The following MAP2K6 variants were observed in gnomAD, a reference collection of about 807,000 sequenced individuals.
MAP2K6 encodes dual specificity mitogen-activated protein kinase kinase 6.
Under a neutral mutation model 53.7 loss-of-function variants are expected in MAP2K6, and 16 were observed. That is an observed-to-expected ratio of 0.30 (90% CI 0.20 to 0.45). The LOEUF is 0.45. MAP2K6 is among the 20% of genes least tolerant of loss of function. The pLI is 1.00. For missense variants in MAP2K6, 204 were observed against 411.9 expected, an observed-to-expected ratio of 0.50 and a Z score of 4.37; for synonymous variants, 132 against 143.1, an observed-to-expected ratio of 0.92 and a Z score of 0.55.
chr17:69,511,114 A>G (rs1168494419), intron 2 of MAP2K6, among the ~76,000 whole-genome samples: 3 of 152,164 alleles, frequency 2.0e-5, no homozygotes, highest in South Asian at 2.1e-4. Context: ...GAAGGCTACC[A>G]TAAACCCTTT....
At chr17:69,512,355 T>TTTTTTTTTTTTTTTTTC in intron 2 of MAP2K6, among the ~76,000 whole-genome samples, 1 of 135,366 alleles carries the variant, frequency 7.4e-6, no homozygotes. Flanking sequence ...TTTTTTTTTT[T>TTTTTTTTTTTTTTTTTC]TTGAGACAGA....
Position 69,439,339 on chromosome 17 carries a change from A to C in MAP2K6, c.16+24339A>C, listed in dbSNP as rs976867774. On this transcript the variant is annotated intron_variant, in intron 1 of 11. Coordinates refer to ENST00000590474, the MANE Select transcript of MAP2K6 (RefSeq NM_002758.4). ...ATGCCTCATCTCCAGTCATACATCC[A>C]TATGCTGACTTCCCATCTCTCTCTC... Among the ~76,000 whole-genome samples the C allele has an allele frequency of 3.3e-5, 5 of 152,166 alleles. No homozygotes were observed. The East Asian group carries it at 9.6e-4, about 29-fold the overall frequency.
Position 69,519,565 on chromosome 17 carries a change from G to A in MAP2K6, c.366+133G>A, listed in dbSNP as rs533254722. On this transcript the variant is annotated intron_variant, in intron 5 of 11. Coordinates refer to ENST00000590474, the MANE Select transcript of MAP2K6 (RefSeq NM_002758.4). The stretch of plus-strand genomic sequence containing the variant: ...ATCTTGTATACGGGGGTTTACGTGT[G>A]TGCAATGATGACATGCCCTGGAGCA... The A allele has an allele frequency of 3.6e-5, 37 of 1,032,820 alleles. No individual in the cohort carries two copies. In the African/African-American group the frequency reaches 4.5e-4, roughly 13 times the overall value. 64.0% of individuals were successfully genotyped at this position (1,032,820 alleles called of 1,614,324 possible).
At chr17:69,476,791 T>G (rs1307488718) in intron 1 of MAP2K6, among the ~76,000 whole-genome samples, 1 of 152,196 alleles carries the variant, frequency 6.6e-6, no homozygotes, top group Admixed American at 6.5e-5. Context: ...CTATAGAGAT[T>G]GGCATCTCCC....
intron 2 of MAP2K6, among the ~76,000 whole-genome samples, chr17:69,510,755 G>A (rs2145234417): frequency 6.6e-6 from 1 of 151,292 alleles, no homozygotes; most frequent in East Asian, 1.9e-4. Flanking sequence ...TGTTCATAGT[G>A]TTTCCTGCCT....
At chr17:69,523,789 A>G in intron 8 of MAP2K6, 148 bp downstream of exon 8, 1 of 1,042,004 alleles carries the variant, frequency 9.6e-7, no homozygotes, top group Non-Finnish European at 1.4e-6. Flanking sequence ...TCAAAATTTT[A>G]TGTCTGAAAT....
chr17:69,523,705 A>G (rs528030330), intron 8 of MAP2K6, 64 bp downstream of exon 8: 10 of 1,590,856 alleles, frequency 6.3e-6, no homozygotes, highest in African/African-American at 5.4e-5. Context: ...CTGGGAAACA[A>G]GAAATGGATG....
chr17:69,526,874 G>A (rs3729925), intron 10 of MAP2K6, among the ~76,000 whole-genome samples, 165 bp downstream of exon 10: 2,289 of 152,236 alleles, frequency 0.015, 28 homozygotes, highest in Non-Finnish European at 0.026. Context: ...CACACTCCCT[G>A]CCCTCACTGA....
Position 69,549,341 on chromosome 17 carries a change from G to C in MAP2K6, c.*7588G>C, listed in dbSNP as rs2144891147. 6.6e-6 allele frequency: 1 copy of C among 152,290 alleles called. No homozygotes were observed. Among genetic ancestry groups the C allele is most frequent in the Admixed American group, 6.5e-5 (1 of 15,294 alleles). 9.4% of individuals were successfully genotyped at this position (152,290 alleles called of 1,614,324 possible). On this transcript the variant is annotated 3_prime_UTR_variant, in exon 12 of 12. Transcript: ENST00000590474. ...GAGGCTGAATTCAGGGAGCGTATTG[G>C]CAAGTTTAGGCACTTACTTGTGTCT... is the stretch of plus-strand genomic sequence containing the variant.
intron 2 of MAP2K6, among the ~76,000 whole-genome samples, chr17:69,516,184 T>C (rs1430734547): frequency 3.3e-5 from 5 of 151,952 alleles, no homozygotes; most frequent in Non-Finnish European, 7.4e-5. Flanking sequence ...TAATGTAGAA[T>C]CAATGGGAGC....
intron 2 of MAP2K6, among the ~76,000 whole-genome samples, chr17:69,514,474 A>C (rs1910033279): frequency 6.6e-6 from 1 of 152,138 alleles, no homozygotes; most frequent in Non-Finnish European, 1.5e-5. Flanking sequence ...TAAGTATTCT[A>C]TGTATTCCAA....
At chr17:69,422,384 G>C (rs1165491899) in intron 1 of MAP2K6, among the ~76,000 whole-genome samples, 1 of 151,962 alleles carries the variant, frequency 6.6e-6, no homozygotes. Context: ...CACCCACCTC[G>C]GCCTCCCGAA....
chr17:69,505,685 C>CT, intron 1 of MAP2K6, 95 bp from the exon 2 acceptor site: 2 of 950,640 alleles, frequency 2.1e-6, no homozygotes, highest in Non-Finnish European at 3.4e-6. Context: ...TGAGAGCTGC[C>CT]TGTGCAGGTC....
intron 1 of MAP2K6, among the ~76,000 whole-genome samples, chr17:69,497,535 T>C (rs559092708): frequency 6.6e-6 from 1 of 152,086 alleles, no homozygotes; most frequent in Non-Finnish European, 1.5e-5. Flanking sequence ...TTTTTTTTTT[T>C]CTGAAGCATG....
intron 1 of MAP2K6, among the ~76,000 whole-genome samples, chr17:69,488,729 A>G (rs1479656012): frequency 6.6e-6 from 1 of 152,156 alleles, no homozygotes; most frequent in Non-Finnish European, 1.5e-5. Context: ...TCGTGGACAT[A>G]AAGATGGCAA....
intron 10 of MAP2K6, 70 bp downstream of exon 10, chr17:69,526,779 G>A (rs910565800): frequency 2.0e-6 from 3 of 1,534,356 alleles, no homozygotes; most frequent in Admixed American, 1.9e-5. Context: ...TTCTTCCATC[G>A]GGGTTGAATC....
At position 69,428,941 on chromosome 17, in the gene MAP2K6, C is replaced by A. The variant is rs578164047; in HGVS notation, c.16+13941C>A. 7.6e-4 allele frequency among the ~76,000 whole-genome samples: 113 copies of A among 149,506 alleles called. 1 individual carries two copies. Among genetic ancestry groups the A allele is most frequent in the African/African-American group, 2.8e-3 (111 of 40,192 alleles). Reference sequence around the variant, plus strand: ...TGTGTTAAATTAGAGAACACACACACACACACACACACACACACGTTGTTG... The same window carrying A: ...TGTGTTAAATTAGAGAACACACACAAACACACACACACACACACGTTGTTG... On this transcript the variant is annotated intron_variant, in intron 1 of 11. Coordinates refer to ENST00000590474, the MANE Select transcript of MAP2K6 (RefSeq NM_002758.4).
intron 1 of MAP2K6, among the ~76,000 whole-genome samples, chr17:69,476,124 G>A (rs576037384): frequency 2.8e-4 from 42 of 152,250 alleles, no homozygotes; most frequent in African/African-American, 9.6e-4. Context: ...ATATATGTGT[G>A]TTTATGTGCA....
intron 1 of MAP2K6, among the ~76,000 whole-genome samples, chr17:69,439,946 CTAT>C (rs1450814540): frequency 6.6e-6 from 1 of 152,086 alleles, no homozygotes; most frequent in East Asian, 1.9e-4. Flanking sequence ...GAAGTTGCTA[CTAT>C]TATTACCATT....
Sources: gnomAD v4.1 joint callset for allele counts (sites outside exome capture counted in the v4.1 genomes callset) on GRCh38, gnomAD v4.1.1 for gene constraint, MANE v1.5 for transcripts, NCBI Gene and HGNC (gene_info 2026-07-23, HGNC 2026-07-21) for gene names.